Variants in ARID1B observed in about 807,000 individuals in gnomAD.
ARID1B encodes AT-rich interactive domain-containing protein 1B.
In ARID1B, 30 loss-of-function variants were observed where a neutral mutation model predicts 212.3. The observed-to-expected ratio is 0.14, with a 90% CI of 0.11 to 0.19. ARID1B has a LOEUF of 0.19. ARID1B is among the 10% of genes least tolerant of loss of function. ARID1B has a pLI of 1.00. For synonymous variants in ARID1B, 1,402 were observed against 1,301.7 expected, an observed-to-expected ratio of 1.08 and a Z score of -1.66; for missense variants, 2,891 against 3,204.0, an observed-to-expected ratio of 0.90 and a Z score of 2.36.
At chr6:157,039,694 C>CTTCCTTCCTTCCCT (rs1554287218) in intron 4 of ARID1B, among the ~76,000 whole-genome samples, 1 of 58,440 alleles carries the variant, frequency 1.7e-5, no homozygotes. Context: ...TCCTTCCTTC[C>CTTCCTTCCTTCCCT]TTCTTTCTTT....
chr6:157,034,092 C>T (rs1452675502), intron 4 of ARID1B, among the ~76,000 whole-genome samples: 1 of 151,974 alleles, frequency 6.6e-6, no homozygotes, highest in Non-Finnish European at 1.5e-5. Flanking sequence ...ATTTTTAAGT[C>T]TCCCCACATC....
At chr6:156,945,069 C>T (rs1792979551) in intron 4 of ARID1B, among the ~76,000 whole-genome samples, 1 of 149,522 alleles carries the variant, frequency 6.7e-6, no homozygotes, top group East Asian at 2.0e-4. Flanking sequence ...ACTACAGGCA[C>T]TTGCCACCAA....
chr6:157,086,578 T>A (rs1784982811), intron 5 of ARID1B, among the ~76,000 whole-genome samples: 1 of 152,252 alleles, frequency 6.6e-6, no homozygotes, highest in African/African-American at 2.4e-5. Context: ...AAAGATATAA[T>A]GCTTTTAAAT....
intron 4 of ARID1B, among the ~76,000 whole-genome samples, chr6:157,077,807 G>A (rs540884604): frequency 1.3e-5 from 2 of 152,220 alleles, no homozygotes; most frequent in South Asian, 4.2e-4. Flanking sequence ...TCATCCACAC[G>A]TCAACACTGC....
rs1234636427 is a variant in ARID1B at position 157,208,029 on chromosome 6, T to C, written c.*138T>C. 2.2e-6 allele frequency: 2 copies of C among 894,150 alleles called. No individual in the cohort carries two copies. Among genetic ancestry groups the C allele is most frequent in the Non-Finnish European group, 1.5e-6 (1 of 648,796 alleles). 55.4% of individuals were successfully genotyped at this position (894,150 alleles called of 1,614,324 possible). ...CTCTGCCCCATTCACTATTTACCAA[T>C]TGGGAATTAAAGAAATAATTAATTT... On this transcript the variant is annotated 3_prime_UTR_variant, in exon 20 of 20. Transcript: ENST00000636930.
At chr6:156,914,016 G>A (rs1482610397) in intron 3 of ARID1B, among the ~76,000 whole-genome samples, 24 of 100,384 alleles carry the variant, frequency 2.4e-4, no homozygotes, top group African/African-American at 8.9e-4. Context: ...TTCCCAGCCC[G>A]TGGTGCCCCC....
In ARID1B at chr6:156,955,343, C is replaced by G. The variant is rs1040332074; in HGVS notation, c.2247+19767C>G. On this transcript the variant is annotated intron_variant, in intron 4 of 19. Transcript: ENST00000636930. This position sits in a 1 kb window ranked among gnomAD's most constrained non-coding sequence, Gnocchi z 4.2. ...TCAACCAGGTGTGATAAACCTAGAG[C>G]TACTGTATGTTCCAGGCCATACATT... 2.6e-5 allele frequency among the ~76,000 whole-genome samples: 4 copies of G among 152,184 alleles called. No homozygotes were observed. The highest frequency in any genetic ancestry group is 6.5e-5 in the Admixed American group (1 of 15,284).
chr6:156,916,889 G>A (rs1790400696), intron 3 of ARID1B, among the ~76,000 whole-genome samples: 1 of 152,152 alleles, frequency 6.6e-6, no homozygotes, highest in Admixed American at 6.5e-5. Context: ...TGTGTTAAGT[G>A]TCAAGGCCAG....
chr6:157,065,424 T>C (rs1783613942), intron 4 of ARID1B, among the ~76,000 whole-genome samples: 2 of 152,254 alleles, frequency 1.3e-5, no homozygotes, highest in African/African-American at 2.4e-5. Flanking sequence ...GTTTATACTT[T>C]TATTTTAAAT....
chr6:156,969,892 CTTTTTT>C (rs201337033), intron 4 of ARID1B, among the ~76,000 whole-genome samples: 9 of 134,516 alleles, frequency 6.7e-5, no homozygotes, highest in Non-Finnish European at 1.4e-4. Flanking sequence ...TTATATAATG[CTTTTTT>C]TTTTTTTTTT....
At chr6:156,893,052 T>TTTTTTTTTTTTTTTTTTTTTTTTTTC (rs1788080358) in intron 2 of ARID1B, among the ~76,000 whole-genome samples, 1 of 78,560 alleles carries the variant, frequency 1.3e-5, no homozygotes, top group African/African-American at 4.7e-5. Context: ...TTCCTTTTTT[T>TTTTTTTTTTTTTTTTTTTTTTTTTTC]TTTTTTTTGA....
At chr6:156,869,263 A>G (rs1785936404) in intron 2 of ARID1B, among the ~76,000 whole-genome samples, 1 of 152,214 alleles carries the variant, frequency 6.6e-6, no homozygotes, top group Admixed American at 6.5e-5. Flanking sequence ...CGAAGACGAG[A>G]TTAACAAATT....
chr6:157,189,788 CA>C lies in ARID1B; in HGVS notation c.4058+11del, dbSNP rs762970104. The C allele has an allele frequency of 6.2e-7, 1 of 1,613,216 alleles. No individual in the cohort carries two copies. Among genetic ancestry groups the C allele is most frequent in the Non-Finnish European group, 8.5e-7 (1 of 1,179,842 alleles). ...TCCAATGCAAGGTGGAAGGTATGTT[CA>C]AATAACTCTGTGAGGCATACAAAGT... is the stretch of plus-strand genomic sequence containing the variant. On this transcript the variant is annotated intron_variant, in intron 14 of 19. Coordinates refer to ENST00000636930, the MANE Select transcript of ARID1B (RefSeq NM_001374828.1).
chr6:156,789,808 A>G (rs1779895287), intron 1 of ARID1B, among the ~76,000 whole-genome samples: 1 of 152,220 alleles, frequency 6.6e-6, no homozygotes, highest in African/African-American at 2.4e-5. Flanking sequence ...TGGTTTCCTC[A>G]TTTGTCAAAG....
At chr6:157,158,467 A>G (rs1196560271) in intron 8 of ARID1B, among the ~76,000 whole-genome samples, 2 of 152,230 alleles carry the variant, frequency 1.3e-5, no homozygotes, top group Non-Finnish European at 2.9e-5. Context: ...TCTTAAGCCC[A>G]CTGACAAGCC....
At chr6:156,986,752 G>A (rs953802762) in intron 4 of ARID1B, among the ~76,000 whole-genome samples, 2 of 151,888 alleles carry the variant, frequency 1.3e-5, no homozygotes, top group Non-Finnish European at 2.9e-5. Context: ...TTTTTTTTAA[G>A]GCCAATGCTA....
Position 157,201,546 on chromosome 6 carries a change from A to G in ARID1B, c.5263+58A>G. On this transcript the variant is annotated intron_variant, in intron 18 of 19. Coordinates refer to ENST00000636930, the MANE Select transcript of ARID1B (RefSeq NM_001374828.1). This position sits in a 1 kb window ranked among gnomAD's most constrained non-coding sequence, Gnocchi z 5.2. ...ATTCCAGTTGCAGTGTAGAATTTTA[A>G]TTTTAGTAAAGATGCTGTTCCTGCT... is the stretch of plus-strand genomic sequence containing the variant. 5 of 1,469,518 alleles carry G rather than the reference A, an allele frequency of 3.4e-6. No individual in the cohort carries two copies. Among genetic ancestry groups the G allele is most frequent in the Non-Finnish European group, 4.5e-6 (5 of 1,107,614 alleles). The allele number at this position is 1,469,518 out of a possible 1,614,324, so 91.0% of individuals were successfully genotyped here. A position where few individuals can be genotyped will look rare whatever the true frequency, so the allele number is the denominator to read the frequency against.
In ARID1B at chr6:157,148,776, G is replaced by A. The variant is rs1583405232; in HGVS notation, c.2914G>A (p.Ala972Thr). 1 of 1,613,244 alleles carries A rather than the reference G, an allele frequency of 6.2e-7. No homozygotes were observed. Among genetic ancestry groups the A allele is most frequent in the Non-Finnish European group, 8.5e-7 (1 of 1,179,944 alleles). ...GAVPLGRMPS[A>T]GMQNRPFPGN... ...TGTGCCCCTGGGACGAATGCCATCA[G>A]CTGGGATGCAGAACAGACCATTTCC... is the stretch of plus-strand genomic sequence containing the variant. The change falls in exon 8 of 20, where the codon GCT becomes ACT. Residue 972 changes from alanine (A) to threonine (T), a missense_variant. This residue lies in a region of ARID1B where 1,643 missense variants were observed against 1,544.0 expected (regional missense o/e 1.06). Transcript: ENST00000636930. The surrounding 1 kb of genome is among the most constrained non-coding windows in gnomAD (Gnocchi z 5.6).
chr6:156,901,142 C>A (rs1788896100), intron 2 of ARID1B, among the ~76,000 whole-genome samples: 1 of 152,118 alleles, frequency 6.6e-6, no homozygotes, highest in African/African-American at 2.4e-5. Flanking sequence ...TCAATAGTTT[C>A]TATCTGATAG....
Sources: gnomAD v4.1 joint callset for allele counts (sites outside exome capture counted in the v4.1 genomes callset) on GRCh38, gnomAD v4.1.1 for gene constraint, gnomAD v4.1.1 regional missense constraint, Gnocchi (gnomAD v3.1) non-coding constraint, MANE v1.5 for transcripts, NCBI Gene and HGNC (gene_info 2026-07-23, HGNC 2026-07-21) for gene names.